FRMD5: variants seen among roughly 807,000 people sequenced by gnomAD.
FRMD5 encodes FERM domain containing 5, also known as FERM domain-containing protein 5.
Under a neutral mutation model 69.0 loss-of-function variants are expected in FRMD5, and 20 were observed. That is an observed-to-expected ratio of 0.29 (90% CI 0.20 to 0.42). The LOEUF is 0.42. FRMD5 is among the 10% of genes least tolerant of loss of function. FRMD5 has a pLI of 1.00. For synonymous variants in FRMD5, 271 were observed against 260.1 expected, an observed-to-expected ratio of 1.04 and a Z score of -0.40; for missense variants, 595 against 708.6, an observed-to-expected ratio of 0.84 and a Z score of 1.82.
chr15:44,171,946 TA>T (rs2077811752), intron 1 of FRMD5, among the ~76,000 whole-genome samples: 1 of 152,072 alleles, frequency 6.6e-6, no homozygotes, highest in Non-Finnish European at 1.5e-5. Flanking sequence ...AGATTTTTAG[TA>T]GAGACATGGT....
At chr15:43,941,726 G>A (rs1162714765) in intron 1 of FRMD5, among the ~76,000 whole-genome samples, 1 of 152,154 alleles carries the variant, frequency 6.6e-6, no homozygotes, top group Admixed American at 6.5e-5. Flanking sequence ...CAGCAGAACT[G>A]AAACTAATTC....
At chr15:44,085,196 A>G (rs555147134) in intron 1 of FRMD5, among the ~76,000 whole-genome samples, 1 of 152,288 alleles carries the variant, frequency 6.6e-6, no homozygotes, top group Non-Finnish European at 1.5e-5. Flanking sequence ...CATTAAATAG[A>G]TATTATATAA....
At chr15:44,024,401 T>G (rs947170486) in intron 1 of FRMD5, among the ~76,000 whole-genome samples, 5 of 152,198 alleles carry the variant, frequency 3.3e-5, no homozygotes, top group Admixed American at 2.6e-4. Context: ...GAGTGGCATA[T>G]CATTTTCTTT....
intron 1 of FRMD5, among the ~76,000 whole-genome samples, chr15:43,973,426 C>T (rs8033233): frequency 0.11 from 15,939 of 150,700 alleles, 1,536 homozygotes; most frequent in African/African-American, 0.26. Flanking sequence ...AGTGCAATGG[C>T]ACGATATCTC....
intron 1 of FRMD5, among the ~76,000 whole-genome samples, chr15:44,036,124 C>G (rs1033599677): frequency 6.6e-6 from 1 of 152,126 alleles, no homozygotes; most frequent in Admixed American, 6.5e-5. Context: ...ACTGAGAGGG[C>G]ACTTGTCAAC....
At chr15:43,876,848 A>G (rs933455847) in intron 13 of FRMD5, among the ~76,000 whole-genome samples, 3 of 152,220 alleles carry the variant, frequency 2.0e-5, no homozygotes, top group Non-Finnish European at 4.4e-5. Flanking sequence ...ACTTCAGAGC[A>G]CAAAACAGTT....
intron 1 of FRMD5, among the ~76,000 whole-genome samples, chr15:44,069,663 A>G (rs986579089): frequency 5.5e-4 from 84 of 152,108 alleles, no homozygotes; most frequent in African/African-American, 2.0e-3. Flanking sequence ...CAAGGATGAG[A>G]GGGTGAGAGG....
At chr15:44,078,462 A>T (rs1214864731) in intron 1 of FRMD5, among the ~76,000 whole-genome samples, 1 of 152,138 alleles carries the variant, frequency 6.6e-6, no homozygotes, top group Non-Finnish European at 1.5e-5. Flanking sequence ...CAAGAATCCC[A>T]GAGTCAAAAC....
At chr15:43,954,638 G>GC (rs2090086494) in intron 1 of FRMD5, among the ~76,000 whole-genome samples, 1 of 152,212 alleles carries the variant, frequency 6.6e-6, no homozygotes, top group Non-Finnish European at 1.5e-5. Flanking sequence ...ATTTTACTTA[G>GC]CATTTCCATA....
chr15:44,194,776 C>T (rs1486133898), intron 1 of FRMD5, 177 bp downstream of exon 1: 1 of 695,902 alleles, frequency 1.4e-6, no homozygotes, highest in Non-Finnish European at 2.6e-6. Flanking sequence ...TGCCAGGGCT[C>T]CGGCAGGGGC....
rs34872140 is a variant in FRMD5 at position 43,999,953 on chromosome 15, C to CAT, written c.103-75646_103-75645dup. 3.5e-3 allele frequency among the ~76,000 whole-genome samples: 286 copies of CAT among 82,876 alleles called. 3 individuals are homozygous for CAT. The highest frequency in any genetic ancestry group is 7.4e-3 in the African/African-American group (116 of 15,634). The allele number at this position is 82,876 out of a possible 152,430, so 54.4% of individuals were successfully genotyped here. Reference sequence around the variant, plus strand: ...TATATATATATATATATATGCCATGCATATATATATATATATATATATATA... The same window carrying CAT: ...TATATATATATATATATATGCCATGCATATATATATATATATATATATATATA... On this transcript the variant is annotated intron_variant, in intron 1 of 13. Transcript: ENST00000417257.
At chr15:43,880,800 A>AG (rs1477963494) in intron 13 of FRMD5, among the ~76,000 whole-genome samples, 2 of 152,190 alleles carry the variant, frequency 1.3e-5, no homozygotes, top group African/African-American at 4.8e-5. Context: ...CCCTGGCCCT[A>AG]GGGGGCCTAT....
chr15:44,072,884 C>A (rs571804298), intron 1 of FRMD5, among the ~76,000 whole-genome samples: 27 of 152,328 alleles, frequency 1.8e-4, no homozygotes, highest in African/African-American at 6.5e-4. Context: ...AATGCCAGCA[C>A]TTTGGGAAGC....
At chr15:44,016,019 GA>G (rs1890940958) in intron 1 of FRMD5, among the ~76,000 whole-genome samples, 1 of 152,182 alleles carries the variant, frequency 6.6e-6, no homozygotes, top group South Asian at 2.1e-4. Flanking sequence ...ATCTCCAACA[GA>G]AAAAGACTAA....
chr15:44,103,978 A>G (rs1336998737), intron 1 of FRMD5, among the ~76,000 whole-genome samples: 1 of 152,240 alleles, frequency 6.6e-6, no homozygotes, highest in Non-Finnish European at 1.5e-5. Flanking sequence ...AATTATGTAC[A>G]GTAAATAACA....
At chr15:43,929,477 G>A (rs759145157) in intron 1 of FRMD5, among the ~76,000 whole-genome samples, 1 of 152,192 alleles carries the variant, frequency 6.6e-6, no homozygotes, top group Non-Finnish European at 1.5e-5. Flanking sequence ...AAGTGCAAAC[G>A]AAGTAGAGTC....
chr15:43,996,778 A>C (rs1231255897), intron 1 of FRMD5, among the ~76,000 whole-genome samples: 4 of 129,902 alleles, frequency 3.1e-5, no homozygotes, highest in African/African-American at 1.1e-4. Flanking sequence ...TTTGCTGCTC[A>C]AAGTGTTCTG....
intron 1 of FRMD5, among the ~76,000 whole-genome samples, chr15:44,125,267 A>C (rs933050766): frequency 1.3e-5 from 2 of 151,982 alleles, no homozygotes; most frequent in African/African-American, 4.8e-5. Context: ...ATGCCACTGC[A>C]CTCCAGCCTG....
chr15:44,084,887 G>A (rs1375849455), intron 1 of FRMD5, among the ~76,000 whole-genome samples: 1 of 151,964 alleles, frequency 6.6e-6, no homozygotes, highest in Non-Finnish European at 1.5e-5. Context: ...ATTCCCCATG[G>A]GCAATTATAA....
Sources: allele counts gnomAD v4.1 joint callset (sites outside exome capture counted in the v4.1 genomes callset), GRCh38; gene constraint gnomAD v4.1.1; transcripts MANE v1.5; gene names NCBI Gene and HGNC (gene_info 2026-07-23, HGNC 2026-07-21).